Variants in ALG10 observed in about 807,000 individuals in gnomAD.
The protein encoded by ALG10 is dol-P-Glc:Glc(2)Man(9)GlcNAc(2)-PP-Dol alpha-1,2-glucosyltransferase A.
Under a neutral mutation model 39.2 loss-of-function variants are expected in ALG10, and 25 were observed. That is an observed-to-expected ratio of 0.64 (90% CI 0.46 to 0.89). The LOEUF is 0.89. ALG10 is among the 40% of genes least tolerant of loss of function. ALG10 has a pLI of 0.00. For missense variants in ALG10, 486 were observed against 546.6 expected (o/e 0.89, Z 1.11); for synonymous variants, 184 against 193.9 (o/e 0.95, Z 0.42).
At chr12:34,022,919 C>T (rs539034240) in intron 1 of ALG10, 149 bp downstream of exon 1, 170 of 1,037,718 alleles carry the variant, frequency 1.6e-4, no homozygotes, top group Non-Finnish European at 2.2e-4. Context: ...TTGTTCCTGT[C>T]TCTGAGATCT....
chr12:34,025,908 G>A lies in ALG10; in HGVS notation c.415G>A (p.Val139Ile), dbSNP rs941884119. 5.0e-5 allele frequency: 81 copies of A among 1,613,842 alleles called. No individual in the cohort carries two copies. The highest frequency in any genetic ancestry group is 6.9e-5 in the Non-Finnish European group (81 of 1,179,918). The change falls in exon 3 of 3, where the codon GTA (valine) becomes ATA (isoleucine). Residue 139 changes from valine (V) to isoleucine (I), a missense_variant. Coordinates refer to ENST00000266483, the MANE Select transcript of ALG10 (RefSeq NM_032834.4). ...QRVLSTLTLA[V>I]FPTLYFFNFL... ...AGTCTTGTCAACATTAACACTAGCA[G>A]TATTTCCAACACTTTATTTTTTTAA... is the stretch of plus-strand genomic sequence containing the variant.
At chr12:34,022,885 A>T in intron 1 of ALG10, 115 bp downstream of exon 1, 1 of 1,435,152 alleles carries the variant, frequency 7.0e-7, no homozygotes, top group Non-Finnish European at 9.5e-7. Flanking sequence ...GCCTCAGAAC[A>T]TGAAAGAAAC....
chr12:34,025,045 C>T (rs1469208510), intron 2 of ALG10, among the ~76,000 whole-genome samples: 1 of 152,000 alleles, frequency 6.6e-6, no homozygotes, highest in African/African-American at 2.4e-5. Context: ...CAACGAGTTG[C>T]AGGGAATTGG....
rs12367881 is a variant in ALG10, at chr12:34,022,573, T to C, written c.-27T>C. The C allele has an allele frequency of 0.36, 579,047 of 1,613,578 alleles. 111,808 individuals are homozygous for C. Among genetic ancestry groups the C allele is most frequent in the Non-Finnish European group, 0.4 (466,378 of 1,179,758 alleles). On this transcript the variant is annotated 5_prime_UTR_variant, in exon 1 of 3. Transcript: ENST00000266483. ...GGCTCAGAATTTTCCAGGAGTAGGT[T>C]CTTGGGCAGTGGCTGTGGGAGCTGG...
At chr12:34,022,825 C>A (rs1455127845) in intron 1 of ALG10, 55 bp downstream of exon 1, 1 of 1,610,134 alleles carries the variant, frequency 6.2e-7, no homozygotes, top group Non-Finnish European at 8.5e-7. Flanking sequence ...TCCCAGCGTC[C>A]CCACGTCCTC....
rs376642089 is a variant in ALG10 at position 34,026,699 on chromosome 12, C to T, written c.1206C>T (p.Cys402=). The T allele has an allele frequency of 2.5e-6, 4 of 1,613,708 alleles. No individual in the cohort carries two copies. Among genetic ancestry groups the T allele is most frequent in the Non-Finnish European group, 3.4e-6 (4 of 1,179,876 alleles). The change falls in exon 3 of 3, where the codon TGC becomes TGT. Residue 402 remains cysteine (C), a synonymous_variant. Transcript: ENST00000266483. ...TTTGGAATTTAATGTTTTTCATATG[C>T]TTGTTCACTGTTATAGTTCCTCAGA... ...SIFWNLMFFI[C]LFTVIVPQKL... is the part of the protein sequence containing the mutation.
Position 34,026,475 on chromosome 12 carries a change from G to A in ALG10, c.982G>A (p.Val328Met), listed in dbSNP as rs765492773. ...TTGGAAACGTAGAATTCTGTTTTTT[G>A]TGGTTACCTTAGTCTCTGTGTTTTT... is the stretch of plus-strand genomic sequence containing the variant. ...LVWKRRILFF[V>M]VTLVSVFLVW... The change falls in exon 3 of 3, where the codon GTG becomes ATG. Residue 328 changes from valine (V) to methionine (M), a missense_variant. Coordinates refer to ENST00000266483, the MANE Select transcript of ALG10 (RefSeq NM_032834.4). 1.9e-6 allele frequency: 3 copies of A among 1,613,150 alleles called. No individual in the cohort carries two copies. Among genetic ancestry groups the A allele is most frequent in the East Asian group, 2.2e-5 (1 of 44,838 alleles).
chr12:34,022,512 C>G lies in ALG10; in HGVS notation c.-88C>G, dbSNP rs1404504710. ...CGTCTGGCTAGTCCCGCCTAGCGCGCCCATTTCGAGCCCAAGTTTCCAGCT... is the reference window on the plus strand; with the variant it reads ...CGTCTGGCTAGTCCCGCCTAGCGCGGCCATTTCGAGCCCAAGTTTCCAGCT... On this transcript the variant is annotated 5_prime_UTR_variant, in exon 1 of 3. Transcript: ENST00000266483. The G allele has an allele frequency of 1.2e-6, 2 of 1,608,146 alleles. No homozygotes were observed. The highest frequency in any genetic ancestry group is 8.5e-7 in the Non-Finnish European group (1 of 1,176,296).
Position 34,026,829 on chromosome 12 carries a change from G to A in ALG10, c.1336G>A (p.Val446Ile), listed in dbSNP as rs749935179. 1.4e-5 allele frequency: 23 copies of A among 1,613,786 alleles called. No homozygotes were observed. Among genetic ancestry groups the A allele is most frequent in the South Asian group, 2.2e-5 (2 of 91,074 alleles). The change falls in exon 3 of 3, where the codon GTT becomes ATT. Residue 446 changes from valine (V) to isoleucine (I), a missense_variant. Physicochemically the swap from Val to Ile is conservative, Grantham distance 29 (BLOSUM62 3). Transcript: ENST00000266483. ...RLICELSCYA[V>I]VNFITFFIFL... ...CATTTGTGAACTGAGCTGCTATGCAGTTGTTAATTTCATAACTTTTTTCAT... is the reference window on the plus strand; with the variant it reads ...CATTTGTGAACTGAGCTGCTATGCAATTGTTAATTTCATAACTTTTTTCAT...
Position 34,026,853 on chromosome 12 carries a change from A to G in ALG10, c.1360A>G (p.Ile454Val). Reference protein sequence around the residue: ...YAVVNFITFFIFLNKTFQWPN... With the variant: ...YAVVNFITFFVFLNKTFQWPN... Reference sequence around the variant, plus strand: ...AGTTGTTAATTTCATAACTTTTTTCATCTTTCTGAACAAGACTTTTCAGTG... The same window carrying G: ...AGTTGTTAATTTCATAACTTTTTTCGTCTTTCTGAACAAGACTTTTCAGTG... Residue 454 changes from isoleucine to valine, a missense_variant, in exon 3 of 3, where the codon ATC becomes GTC. Ile to Val is a conservative substitution (Grantham distance 29). Transcript: ENST00000266483. 2 of 1,613,750 alleles carry G rather than the reference A, an allele frequency of 1.2e-6. No homozygotes were observed. Among genetic ancestry groups the G allele is most frequent in the Non-Finnish European group, 1.7e-6 (2 of 1,179,774 alleles).
Position 34,028,155 on chromosome 12 carries a change from T to C in ALG10, c.*1240T>C, listed in dbSNP as rs548167549. The C allele has an allele frequency of 3.3e-5, 5 of 152,330 alleles. No individual in the cohort carries two copies. The East Asian group carries it at 7.7e-4, about 23-fold the overall frequency. 9.4% of individuals were successfully genotyped at this position (152,330 alleles called of 1,614,324 possible). On this transcript the variant is annotated 3_prime_UTR_variant, in exon 3 of 3. Coordinates refer to ENST00000266483, the MANE Select transcript of ALG10 (RefSeq NM_032834.4). ...TACTAAAGGACATTTTAGGATAGTC[T>C]TCATATGATTGTTAGGAGACTACCT...
At chr12:34,023,842 C>T (rs180782757) in intron 1 of ALG10, 120 bp from the exon 2 acceptor site, 1 of 1,342,942 alleles carries the variant, frequency 7.4e-7, no homozygotes, top group Non-Finnish European at 1.1e-6. Flanking sequence ...TTAATCTTGT[C>T]ATAGAATAAC....
In ALG10 at chr12:34,026,904, T is replaced by A. The variant is rs904226405; in HGVS notation, c.1411T>A (p.Phe471Ile). The A allele has an allele frequency of 6.2e-7, 1 of 1,613,276 alleles. No individual in the cohort carries two copies. Among genetic ancestry groups the A allele is most frequent in the African/African-American group, 1.3e-5 (1 of 74,864 alleles). ...GCCAAATAGTCAGGACATTCAAAGG[T>A]TTATGTGGTAATATCAGTGATATTT... The part of the protein sequence containing the change: ...QWPNSQDIQR[F>I]MW Residue 471 changes from phenylalanine (F) to isoleucine (I), a missense_variant, in exon 3 of 3, where the codon TTT (phenylalanine) becomes ATT (isoleucine). Physicochemically the swap from Phe to Ile is conservative, Grantham distance 21. Transcript: ENST00000266483.
chr12:34,027,041 T>G lies in ALG10; in HGVS notation c.*126T>G. 1 of 990,270 alleles carries G rather than the reference T, an allele frequency of 1.0e-6. No individual in the cohort carries two copies. Among genetic ancestry groups the G allele is most frequent in the Admixed American group, 3.0e-5 (1 of 32,934 alleles). 61.3% of individuals were successfully genotyped at this position (990,270 alleles called of 1,614,324 possible). A position where few individuals can be genotyped will look rare whatever the true frequency, so the allele number is the denominator to read the frequency against. ...AGTGGTGGTCTTCAAATTACATTAG[T>G]TTTTTTTATATATATTTTAAACATA... On this transcript the variant is annotated 3_prime_UTR_variant, in exon 3 of 3. Transcript: ENST00000266483.
chr12:34,024,072 G>C lies in ALG10; in HGVS notation c.282G>C (p.Gly94=). The change falls in exon 2 of 3, where the codon GGG becomes GGC. Residue 94 remains glycine, a synonymous_variant. Transcript: ENST00000266483. The stretch of plus-strand genomic sequence containing the variant: ...CTGAACATGTTGTCTGCTCCATTGG[G>C]ATGCTCAGATTTGTTAATCTTCTCT... The part of the protein sequence containing the change: ...GWSEHVVCSI[G]MLRFVNLLFS... 2 of 1,614,116 alleles carry C rather than the reference G, an allele frequency of 1.2e-6. No homozygotes were observed. Among genetic ancestry groups the C allele is most frequent in the Middle Eastern group, 3.3e-4 (2 of 6,062 alleles).
chr12:34,022,901 A>G (rs1591869223), intron 1 of ALG10, 131 bp downstream of exon 1: 3 of 1,265,352 alleles, frequency 2.4e-6, no homozygotes, highest in Non-Finnish European at 3.3e-6. Flanking sequence ...GAAACTGGGT[A>G]TAGTCTTTTG....
chr12:34,025,547 A>G (rs1307977610), intron 2 of ALG10, among the ~76,000 whole-genome samples: 3 of 152,174 alleles, frequency 2.0e-5, no homozygotes, highest in Admixed American at 2.0e-4. Context: ...CATAGTCCAC[A>G]TAGAACTTAG....
Position 34,026,740 on chromosome 12 carries a change from G to T in ALG10, c.1247G>T (p.Arg416Leu). 6.2e-7 allele frequency: 1 copy of T among 1,613,810 alleles called. No individual in the cohort carries two copies. Among genetic ancestry groups the T allele is most frequent in the Non-Finnish European group, 8.5e-7 (1 of 1,179,846 alleles). ...VIVPQKLLEFRYFILPYVIYR... is the reference protein window; with the variant it reads ...VIVPQKLLEFLYFILPYVIYR... Reference sequence around the variant, plus strand: ...GTTCCTCAGAAACTGCTGGAATTTCGTTACTTCATTTTACCTTATGTCATT... The same window carrying T: ...GTTCCTCAGAAACTGCTGGAATTTCTTTACTTCATTTTACCTTATGTCATT... The change falls in exon 3 of 3, where the codon CGT becomes CTT. Residue 416 changes from arginine (R) to leucine (L), a missense_variant. Arg to Leu is a moderately radical substitution (Grantham distance 102). Transcript: ENST00000266483.
Position 34,026,663 on chromosome 12 carries a change from A to T in ALG10, c.1170A>T (p.Ser390=). The T allele has an allele frequency of 6.2e-7, 1 of 1,613,886 alleles. No homozygotes were observed. The highest frequency in any genetic ancestry group is 8.5e-7 in the Non-Finnish European group (1 of 1,179,876). The change falls in exon 3 of 3, where the codon TCA becomes TCT. Residue 390 remains serine, a synonymous_variant. Transcript: ENST00000266483. ...GGAGTATAGCTGACTCATTGAAATCAAAGTCAATTTTTTGGAATTTAATGT... is the reference window on the plus strand; with the variant it reads ...GGAGTATAGCTGACTCATTGAAATCTAAGTCAATTTTTTGGAATTTAATGT... ...AGWSIADSLK[S]KSIFWNLMFF... is the part of the protein sequence containing the mutation.
Sources: gnomAD v4.1 joint callset for allele counts (sites outside exome capture counted in the v4.1 genomes callset) on GRCh38, gnomAD v4.1.1 for gene constraint, MANE v1.5 for transcripts, NCBI Gene and HGNC (gene_info 2026-07-23, HGNC 2026-07-21) for gene names.